FBXW7: variants seen among roughly 807,000 people sequenced by gnomAD.
FBXW7 encodes the protein F-box/WD repeat-containing protein 7.
FBXW7 carries 11 observed loss-of-function variants against 86.3 expected under a neutral mutation model. The ratio of observed to expected loss-of-function variants is 0.13; its 90% CI spans 0.08 to 0.21. The LOEUF is 0.21. Ranked by LOEUF, FBXW7 falls within the 10% of genes least tolerant of loss-of-function variation. The probability of loss-of-function intolerance (pLI) is 1.00; values close to 1 mark genes in which losing one functional copy is unlikely to be tolerated. For synonymous variants in FBXW7, 313 were observed against 297.9 expected, an observed-to-expected ratio of 1.05 and a Z score of -0.52; for missense variants, 488 against 847.4, an observed-to-expected ratio of 0.58 and a Z score of 5.27.
chr4:152,348,219 A>C lies in FBXW7; in HGVS notation c.585-1148T>G, dbSNP rs963218560. 3.3e-5 allele frequency among the ~76,000 whole-genome samples: 5 copies of C among 149,700 alleles called. No homozygotes were observed. The Admixed American group carries it at 3.4e-4, about 10-fold the overall frequency. On this transcript the variant is annotated intron_variant, in intron 5 of 13. Transcript: ENST00000281708. ...CCAGATTTTACAGAAAAGTCTTCTT[A>C]TCTACTCCCTTTAAATCCTCTAATA...
intron 4 of FBXW7, among the ~76,000 whole-genome samples, chr4:152,393,108 T>C (rs890844724): frequency 2.6e-5 from 4 of 152,110 alleles, no homozygotes; most frequent in African/African-American, 4.8e-5. Context: ...GAAGGTGCAG[T>C]TGATGTTGCC....
rs1046597552 is a variant in FBXW7, at chr4:152,385,971, T to C, written c.501+25332A>G. 6.3e-4 allele frequency among the ~76,000 whole-genome samples: 96 copies of C among 152,110 alleles called. 1 individual carries two copies. Among genetic ancestry groups the C allele is most frequent in the African/African-American group, 2.2e-3 (93 of 41,540 alleles). ...AAGTAACAGTATTTCTAATGCGATA[T>C]TCCCAATCAACACGAAACACTAAAA... On this transcript the variant is annotated intron_variant, in intron 4 of 13. Transcript: ENST00000281708.
intron 6 of FBXW7, among the ~76,000 whole-genome samples, chr4:152,341,144 G>C (rs891494396): frequency 6.6e-6 from 1 of 152,160 alleles, no homozygotes; most frequent in Non-Finnish European, 1.5e-5. Context: ...ACTGTACTCA[G>C]TGCTACTGTC....
chr4:152,386,986 G>A (rs1735580045), intron 4 of FBXW7, among the ~76,000 whole-genome samples: 1 of 152,038 alleles, frequency 6.6e-6, no homozygotes, highest in South Asian at 2.1e-4. Context: ...CTTTCATTCA[G>A]TATTATACAA....
chr4:152,340,449 G>C (rs1730612081), intron 6 of FBXW7, among the ~76,000 whole-genome samples: 1 of 151,502 alleles, frequency 6.6e-6, no homozygotes, highest in African/African-American at 2.4e-5. Flanking sequence ...CATCGTGGCG[G>C]GCGCCTGTAG....
intron 4 of FBXW7, among the ~76,000 whole-genome samples, chr4:152,399,207 G>A (rs1736700281): frequency 6.6e-6 from 1 of 152,110 alleles, no homozygotes; most frequent in African/African-American, 2.4e-5. Flanking sequence ...AATTGCCTAT[G>A]GCATGGAAAT....
At chr4:152,453,441 T>G (rs538996281) in intron 2 of FBXW7, among the ~76,000 whole-genome samples, 27 of 152,258 alleles carry the variant, frequency 1.8e-4, no homozygotes, top group Admixed American at 1.4e-3. Context: ...ATTCAGTCAT[T>G]CAAATATTTA....
chr4:152,421,691 C>T (rs1267687505), intron 2 of FBXW7, among the ~76,000 whole-genome samples: 1 of 152,148 alleles, frequency 6.6e-6, no homozygotes, highest in African/African-American at 2.4e-5. Context: ...AAATGAGAGA[C>T]ATGCAACTCT....
chr4:152,331,851 TTAATC>T (rs1183258082), intron 8 of FBXW7, among the ~76,000 whole-genome samples: 3 of 152,166 alleles, frequency 2.0e-5, no homozygotes, highest in Non-Finnish European at 2.9e-5. Flanking sequence ...ATTTCACTGA[TTAATC>T]CAAGCCCTAC....
chr4:152,518,623 T>G (rs1560993206), intron 2 of FBXW7, among the ~76,000 whole-genome samples: 3 of 152,250 alleles, frequency 2.0e-5, no homozygotes, highest in Admixed American at 6.5e-5. Context: ...AGTATTTGCA[T>G]GTAACTTTTG....
intron 4 of FBXW7, among the ~76,000 whole-genome samples, chr4:152,388,600 A>T (rs762392891): frequency 3.9e-5 from 6 of 152,170 alleles, no homozygotes; most frequent in Non-Finnish European, 7.4e-5. Flanking sequence ...CAACCAAAAC[A>T]AGTGCTAATA....
At chr4:152,473,984 C>G (rs2149657539) in intron 2 of FBXW7, among the ~76,000 whole-genome samples, 1 of 152,108 alleles carries the variant, frequency 6.6e-6, no homozygotes, top group African/African-American at 2.4e-5. Flanking sequence ...CCCCAGGGGT[C>G]ACATATCTCA....
intron 2 of FBXW7, among the ~76,000 whole-genome samples, chr4:152,417,956 T>C (rs1418007363): frequency 3.3e-5 from 5 of 152,244 alleles, no homozygotes; most frequent in Admixed American, 3.3e-4. Flanking sequence ...CATCAAATCT[T>C]GTCTTGACAT....
intron 2 of FBXW7, among the ~76,000 whole-genome samples, chr4:152,500,512 A>C (rs915347413): frequency 1.3e-5 from 2 of 151,878 alleles, no homozygotes; most frequent in East Asian, 3.9e-4. Flanking sequence ...AAAAAAAAAA[A>C]AAAAAAAACT....
At chr4:152,382,347 TC>T in intron 4 of FBXW7, 7 of 1,558,870 alleles carry the variant, frequency 4.5e-6, no homozygotes, top group Non-Finnish European at 6.1e-6. Context: ...TTAAAACTCC[TC>T]TTGGTTGACG....
intron 2 of FBXW7, among the ~76,000 whole-genome samples, chr4:152,417,330 T>C (rs1738528812): frequency 6.6e-6 from 1 of 152,204 alleles, no homozygotes; most frequent in Non-Finnish European, 1.5e-5. Context: ...GTGAATGGAA[T>C]CATATTCTAG....
intron 2 of FBXW7, among the ~76,000 whole-genome samples, chr4:152,443,776 A>G (rs757529022): frequency 2.0e-5 from 3 of 152,212 alleles, no homozygotes; most frequent in Non-Finnish European, 2.9e-5. Context: ...AGGGGTCCTT[A>G]TACTAGCTTA....
chr4:152,332,507 G>C (rs2126546480), intron 8 of FBXW7, 89 bp downstream of exon 8: 1 of 1,258,874 alleles, frequency 7.9e-7, no homozygotes, highest in South Asian at 1.9e-5. Flanking sequence ...ATAAGTAGCT[G>C]AATATTATTT....
In FBXW7 at chr4:152,323,007, C is replaced by T. The variant is rs2126462232; in HGVS notation, c.1998G>A (p.Gly666=). Residue 666 remains glycine (G), a synonymous_variant, in exon 14 of 14, where the codon GGG becomes GGA. Coordinates refer to ENST00000281708, the MANE Select transcript of FBXW7 (RefSeq NM_001349798.2). The part of the protein sequence containing the change: ...FIRNLVTLES[G]GSGGVVWRIR... The stretch of plus-strand genomic sequence containing the variant: ...TCCGCCACACAACTCCCCCACTCCC[C>T]CCACTCTCCAATGTGACTAGGTTTC... The T allele has an allele frequency of 6.2e-7, 1 of 1,613,840 alleles. No homozygotes were observed. Among genetic ancestry groups the T allele is most frequent in the Non-Finnish European group, 8.5e-7 (1 of 1,179,860 alleles).
Sources: gnomAD v4.1 joint callset for allele counts (sites outside exome capture counted in the v4.1 genomes callset) on GRCh38, gnomAD v4.1.1 for gene constraint, MANE v1.5 for transcripts, NCBI Gene and HGNC (gene_info 2026-07-23, HGNC 2026-07-21) for gene names.